The following MGST1 variants were observed in gnomAD, a reference collection of about 807,000 sequenced individuals.
The protein encoded by MGST1 is microsomal glutathione S-transferase 1.
MGST1 carries 5 observed loss-of-function variants against 8.9 expected under a neutral mutation model. The ratio of observed to expected loss-of-function variants is 0.56; its 90% CI spans 0.29 to 1.19. The LOEUF (loss-of-function observed/expected upper bound fraction) is 1.19. Ranked by LOEUF, MGST1 falls within the 50% of genes most tolerant of loss-of-function variation. The probability of loss-of-function intolerance (pLI) is 0.08; values close to 1 mark genes in which losing one functional copy is unlikely to be tolerated. For missense variants in MGST1, 182 were observed against 187.4 expected, an observed-to-expected ratio of 0.97 and a Z score of 0.17; for synonymous variants, 54 against 67.8, an observed-to-expected ratio of 0.80 and a Z score of 1.00.
chr12:16,549,637 AAAAC>A (rs1262800577), intron 4 of MGST1: 3 of 152,420 alleles, frequency 2.0e-5, no homozygotes, highest in Admixed American at 1.3e-4. Context: ...GATCAAGAAA[AAAAC>A]AAAGAAAAAG....
At chr12:16,519,841 A>G (rs1018046611) in intron 4 of MGST1, among the ~76,000 whole-genome samples, 34 of 152,148 alleles carry the variant, frequency 2.2e-4, no homozygotes, top group African/African-American at 7.7e-4. Context: ...TTTATGATCA[A>G]AACCATGCCA....
At chr12:16,357,780 G>A (rs980044360) in intron 3 of MGST1, 81 bp downstream of exon 3, 2 of 1,082,756 alleles carry the variant, frequency 1.8e-6, no homozygotes, top group Non-Finnish European at 2.7e-6. Flanking sequence ...TCAGGGTCTT[G>A]GAGACTGAGG....
exon 2 of MGST1, chr12:16,438,403 G>T (rs1565454872): frequency 6.6e-6 from 1 of 151,878 alleles, no homozygotes; most frequent in Non-Finnish European, 1.5e-5. Flanking sequence ...CTATGGTGAT[G>T]AAGCTCATAA....
chr12:16,354,756 G>A (rs1220723332), intron 2 of MGST1: 1 of 153,412 alleles, frequency 6.5e-6, no homozygotes, highest in African/African-American at 2.4e-5. Context: ...TGCAGGTCAA[G>A]GGTATGATTT....
Position 16,544,229 on chromosome 12 carries a change from C to CACAA in MGST1, n.483-45296_483-45295insAACA, listed in dbSNP as rs2137216512. Reference sequence around the variant, plus strand: ...ACACCTTAAGTAAGAACTACACACACACACACACACACACACACACACACA... The same window carrying CACAA: ...ACACCTTAAGTAAGAACTACACACACACAAACACACACACACACACACACACACA... On this transcript the variant is annotated intron_variant and non_coding_transcript_variant, in intron 4 of 4. Coordinates refer to the MGST1 transcript ENST00000538857. The surrounding 1 kb of genome is among the most constrained non-coding windows in gnomAD (Gnocchi z 4.8). Among the ~76,000 whole-genome samples, 1 of 108,640 alleles carries CACAA rather than the reference C, an allele frequency of 9.2e-6. No individual in the cohort carries two copies. The highest frequency in any genetic ancestry group is 2.0e-5 in the Non-Finnish European group (1 of 49,516). 71.3% of individuals were successfully genotyped at this position (108,640 alleles called of 152,430 possible).
intron 1 of MGST1, among the ~76,000 whole-genome samples, chr12:16,407,636 C>A (rs1476536291): frequency 6.6e-6 from 1 of 152,028 alleles, no homozygotes; most frequent in Non-Finnish European, 1.5e-5. Flanking sequence ...CAGTGCTATT[C>A]ACAAGAGCAA....
rs74063909 is a variant in MGST1 at position 16,568,207 on chromosome 12, C to A, written n.483-21321C>A. ...CTACACAAGACTTGTAAGAACCTAG[C>A]ATTACAGAAGAATCAAGTCAAGCTC... On this transcript the variant is annotated intron_variant and non_coding_transcript_variant, in intron 4 of 4. Transcript: ENST00000538857. 4.4e-3 allele frequency among the ~76,000 whole-genome samples: 677 copies of A among 152,186 alleles called. 3 individuals carry two copies. The highest frequency in any genetic ancestry group is 0.015 in the African/African-American group (630 of 41,512).
At chr12:16,385,057 C>A (rs1054089918) in intron 1 of MGST1, among the ~76,000 whole-genome samples, 2 of 152,126 alleles carry the variant, frequency 1.3e-5, no homozygotes, top group African/African-American at 4.8e-5. Flanking sequence ...GAGAAAACAG[C>A]CCATGGATTT....
At chr12:16,442,087 T>C (rs1355989106), downstream of MGST1, among the ~76,000 whole-genome samples, 1 of 151,902 alleles carries the variant, frequency 6.6e-6, no homozygotes. The surrounding 1 kb of genome is among the most constrained non-coding windows in gnomAD (Gnocchi z 4.5). Context: ...TCTTTTCATA[T>C]AGTTATTTTC....
intron 1 of MGST1, among the ~76,000 whole-genome samples, chr12:16,406,942 T>C (rs1026453134): frequency 6.6e-6 from 1 of 152,050 alleles, no homozygotes; most frequent in African/African-American, 2.4e-5. Flanking sequence ...AACTGAAAAC[T>C]AAGTTATAAA....
At chr12:16,403,737 A>G (rs1156600016) in intron 1 of MGST1, among the ~76,000 whole-genome samples, 1 of 152,130 alleles carries the variant, frequency 6.6e-6, no homozygotes, top group Non-Finnish European at 1.5e-5. Context: ...TAGTCATGGC[A>G]GAAGGTGAAG....
intron 4 of MGST1, among the ~76,000 whole-genome samples, chr12:16,534,941 G>T (rs1941745594): frequency 6.6e-6 from 1 of 152,108 alleles, no homozygotes; most frequent in Non-Finnish European, 1.5e-5. Flanking sequence ...GGGAGAGATG[G>T]TTCTCGGGTG....
intron 4 of MGST1, among the ~76,000 whole-genome samples, chr12:16,501,264 A>G (rs183376366): frequency 5.3e-5 from 8 of 152,288 alleles, no homozygotes. Context: ...GCACTGCATG[A>G]TAATTAAATT....
At chr12:16,572,102 C>A (rs1395746353) in intron 4 of MGST1, among the ~76,000 whole-genome samples, 1 of 151,714 alleles carries the variant, frequency 6.6e-6, no homozygotes, top group Non-Finnish European at 1.5e-5. Context: ...AAAATGGTAT[C>A]CTGCAAGAAA....
intron 4 of MGST1, among the ~76,000 whole-genome samples, chr12:16,535,785 G>T (rs892570064): frequency 1.3e-5 from 2 of 152,096 alleles, no homozygotes; most frequent in African/African-American, 4.8e-5. Context: ...ATGTTCAGAA[G>T]AAAGCCTCCA....
intron 4 of MGST1, among the ~76,000 whole-genome samples, chr12:16,502,167 A>T (rs1346770328): frequency 6.6e-6 from 1 of 152,188 alleles, no homozygotes; most frequent in Non-Finnish European, 1.5e-5. Context: ...ATATTTTGTG[A>T]ATTTGGCTTC....
Position 16,576,671 on chromosome 12 carries a change from C to T in MGST1, n.483-12857C>T, listed in dbSNP as rs1943005881. On this transcript the variant is annotated intron_variant and non_coding_transcript_variant, in intron 4 of 4. Coordinates refer to the MGST1 transcript ENST00000538857. This position sits in a 1 kb window ranked among gnomAD's most constrained non-coding sequence, Gnocchi z 4.1. ...CTCTGCACCTAACACATGTGATGTT[C>T]ATATGCTCCATAACTGCTGAATTAG... Among the ~76,000 whole-genome samples, 1 of 152,184 alleles carries T rather than the reference C, an allele frequency of 6.6e-6. No homozygotes were observed. The highest frequency in any genetic ancestry group is 2.4e-5 in the African/African-American group (1 of 41,450).
intron 1 of MGST1, among the ~76,000 whole-genome samples, chr12:16,421,560 C>T (rs1302100629): frequency 1.3e-5 from 2 of 152,150 alleles, no homozygotes; most frequent in Admixed American, 6.5e-5. Flanking sequence ...AAGAATATTG[C>T]TCTATTCATG....
intron 4 of MGST1, among the ~76,000 whole-genome samples, chr12:16,540,734 C>G (rs1941788283): frequency 6.6e-6 from 1 of 152,078 alleles, no homozygotes; most frequent in Admixed American, 6.5e-5. Context: ...AGTTCCAGAC[C>G]AGCCTGGGCA....
Sources: gnomAD v4.1 joint callset for allele counts (sites outside exome capture counted in the v4.1 genomes callset) on GRCh38, gnomAD v4.1.1 for gene constraint, Gnocchi (gnomAD v3.1) non-coding constraint, MANE v1.5 for transcripts, NCBI Gene and HGNC (gene_info 2026-07-23, HGNC 2026-07-21) for gene names.